Variants in PCDH15 observed in about 807,000 individuals in gnomAD.
PCDH15 encodes protocadherin-15.
In PCDH15, 129 loss-of-function variants were observed where a neutral mutation model predicts 178.5. That is an observed-to-expected ratio of 0.72 (90% CI 0.63 to 0.84). PCDH15 has a LOEUF of 0.84. Among genes scored for constraint, PCDH15 ranks in the 40% least tolerant of loss-of-function variants. The pLI, the probability that PCDH15 is intolerant of heterozygous loss-of-function variation, is 0.00. For synonymous variants in PCDH15, 800 were observed against 732.0 expected (o/e 1.09, Z -1.50); for missense variants, 2,230 against 2,099.9 (o/e 1.06, Z -1.21).
intron 3 of PCDH15, among the ~76,000 whole-genome samples, chr10:54,432,437 GAA>G (rs1957078336): frequency 6.6e-6 from 1 of 152,014 alleles, no homozygotes; most frequent in African/African-American, 2.4e-5. Context: ...CATCTATAGT[GAA>G]GTTATTTTCA....
intron 1 of PCDH15, among the ~76,000 whole-genome samples, chr10:54,798,355 G>A (rs527878791): frequency 2.0e-5 from 3 of 151,998 alleles, no homozygotes; most frequent in Admixed American, 1.3e-4. Context: ...TAGTGTTAAC[G>A]ACAACAACAA....
At position 54,125,108 on chromosome 10, in the gene PCDH15, T is replaced by C. The variant is rs536676894; in HGVS notation, c.1917+7767A>G. On this transcript the variant is annotated intron_variant, in intron 15 of 37. Transcript: ENST00000644397. ...ACATGCTGCAAGCTGACAAAACACC[T>C]TTTTAGACTTACACCCAATTCGTTC... 5.9e-5 allele frequency among the ~76,000 whole-genome samples: 9 copies of C among 152,248 alleles called. No homozygotes were observed. In the South Asian group the frequency reaches 1.4e-3, roughly 24 times the overall value.
chr10:55,295,622 A>C (rs1843113309), intron 1 of PCDH15, among the ~76,000 whole-genome samples: 1 of 152,206 alleles, frequency 6.6e-6, no homozygotes, highest in Non-Finnish European at 1.5e-5. Context: ...ACTTTGTGGG[A>C]CTAGCAGTAA....
chr10:55,504,150 C>G (rs2050319), intron 2 of PCDH15, among the ~76,000 whole-genome samples: 5 of 151,072 alleles, frequency 3.3e-5, no homozygotes, highest in African/African-American at 9.7e-5. Flanking sequence ...TCAACCCTAA[C>G]GTAAACTATG....
intron 3 of PCDH15, among the ~76,000 whole-genome samples, chr10:54,833,682 C>T (rs1393007185): frequency 6.6e-6 from 1 of 152,184 alleles, no homozygotes; most frequent in African/African-American, 2.4e-5. Context: ...CTTGCTCTTG[C>T]TCTCCCCTGT....
chr10:55,119,729 C>T (rs1837719276), intron 2 of PCDH15, among the ~76,000 whole-genome samples: 1 of 152,122 alleles, frequency 6.6e-6, no homozygotes, highest in Non-Finnish European at 1.5e-5. Flanking sequence ...ATGTTCCTCT[C>T]AGGAGGGAAG....
At position 54,304,902 on chromosome 10, in the gene PCDH15, A is replaced by C. The variant is rs189141169; in HGVS notation, c.876+12369T>G. 2.1e-3 allele frequency among the ~76,000 whole-genome samples: 316 copies of C among 152,126 alleles called. 1 individual carries two copies. The highest frequency in any genetic ancestry group is 5.3e-3 in the African/African-American group (221 of 41,538). On this transcript the variant is annotated intron_variant, in intron 8 of 37. Coordinates refer to ENST00000644397, the MANE Select transcript of PCDH15 (RefSeq NM_001384140.1). ...TATGTATTTGCAGAATATGTTAGTA[A>C]ACAAAGTGAAATTCAAGGAAATCAC...
At chr10:54,266,256 A>T (rs2057679788) in intron 8 of PCDH15, among the ~76,000 whole-genome samples, 1 of 151,892 alleles carries the variant, frequency 6.6e-6, no homozygotes, top group East Asian at 1.9e-4. Flanking sequence ...GAACTTTTTA[A>T]ACAAATGAAA....
intron 2 of PCDH15, among the ~76,000 whole-genome samples, chr10:55,506,619 CAG>C (rs777882232): frequency 9.9e-5 from 15 of 151,486 alleles, no homozygotes; most frequent in South Asian, 2.1e-4. Flanking sequence ...GAGGAACAAA[CAG>C]GGTAATATTT....
intron 2 of PCDH15, among the ~76,000 whole-genome samples, chr10:55,037,151 T>C (rs1840755203): frequency 6.6e-6 from 1 of 152,120 alleles, no homozygotes; most frequent in Non-Finnish European, 1.5e-5. Flanking sequence ...AATTATCCCC[T>C]CCCAATAGAA....
At chr10:55,381,821 C>G (rs1366051214) in intron 2 of PCDH15, among the ~76,000 whole-genome samples, 1 of 152,078 alleles carries the variant, frequency 6.6e-6, no homozygotes, top group African/African-American at 2.4e-5. Flanking sequence ...TTGATCCGGC[C>G]ACTCACCACC....
intron 2 of PCDH15, among the ~76,000 whole-genome samples, chr10:54,942,649 C>T (rs1231977362): frequency 6.6e-6 from 1 of 151,974 alleles, no homozygotes; most frequent in Non-Finnish European, 1.5e-5. Context: ...TCAGTATGTG[C>T]TTTTTGTGCT....
chr10:55,391,108 C>A (rs546189254), intron 2 of PCDH15, among the ~76,000 whole-genome samples: 1 of 152,272 alleles, frequency 6.6e-6, no homozygotes, highest in South Asian at 2.1e-4. Flanking sequence ...CAATACAAGA[C>A]CGTTTTGTCT....
chr10:55,019,049 T>C (rs1477931179), intron 2 of PCDH15, among the ~76,000 whole-genome samples: 2 of 152,136 alleles, frequency 1.3e-5, no homozygotes, highest in Non-Finnish European at 2.9e-5. Context: ...AAAACTATCT[T>C]ATTTTGCAGC....
intron 11 of PCDH15, among the ~76,000 whole-genome samples, chr10:54,187,390 T>C (rs1163879918): frequency 2.6e-5 from 4 of 151,956 alleles, no homozygotes; most frequent in African/African-American, 9.7e-5. Flanking sequence ...AGTTGTCAAC[T>C]AGTGTGTCCA....
At chr10:54,299,022 A>G (rs866114766) in intron 8 of PCDH15, among the ~76,000 whole-genome samples, 25 of 152,370 alleles carry the variant, frequency 1.6e-4, no homozygotes, top group African/African-American at 5.5e-4. Context: ...CAGTTATTGC[A>G]TGCAGTGCAA....
chr10:54,691,916 G>A (rs772445377), intron 1 of PCDH15, among the ~76,000 whole-genome samples: 5 of 151,952 alleles, frequency 3.3e-5, no homozygotes, highest in Admixed American at 6.6e-5. Flanking sequence ...TTTATGTTCC[G>A]CCACATATAA....
At chr10:55,428,292 T>C (rs919732849) in intron 2 of PCDH15, among the ~76,000 whole-genome samples, 1 of 151,330 alleles carries the variant, frequency 6.6e-6, no homozygotes, top group Non-Finnish European at 1.5e-5. Flanking sequence ...ATTGTGTATT[T>C]ATCTATTTCT....
At chr10:55,306,556 T>C (rs1008877021) in intron 1 of PCDH15, among the ~76,000 whole-genome samples, 2 of 152,200 alleles carry the variant, frequency 1.3e-5, no homozygotes, top group African/African-American at 4.8e-5. Flanking sequence ...TTCTCAGGAC[T>C]GCAGAGTTCT....
Sources: allele counts gnomAD v4.1 joint callset (sites outside exome capture counted in the v4.1 genomes callset), GRCh38; gene constraint gnomAD v4.1.1; transcripts MANE v1.5; gene names NCBI Gene and HGNC (gene_info 2026-07-23, HGNC 2026-07-21).